NOTCH1: variants seen among roughly 807,000 people sequenced by gnomAD.
NOTCH1 encodes the protein notch receptor 1, also known as neurogenic locus notch homolog protein 1.
Under a neutral mutation model 254.8 loss-of-function variants are expected in NOTCH1, and 37 were observed. The observed-to-expected ratio is 0.15, with a 90% confidence interval of 0.11 to 0.19. NOTCH1 has a LOEUF of 0.19. NOTCH1 is among the 10% of genes least tolerant of loss of function. NOTCH1 has a pLI of 1.00. For missense variants in NOTCH1, 2,972 were observed against 3,708.6 expected, an observed-to-expected ratio of 0.80 and a Z score of 5.16; for synonymous variants, 1,731 against 1,618.1, an observed-to-expected ratio of 1.07 and a Z score of -1.68.
At chr9:136,508,849 C>A in intron 19 of NOTCH1, 21 bp downstream of exon 19, 1 of 1,537,154 alleles carries the variant, frequency 6.5e-7, no homozygotes, top group South Asian at 1.2e-5. Flanking sequence ...CTTCGGGCAC[C>A]TCTGTGGCCG....
In NOTCH1 at chr9:136,515,845, G is replaced by C. The variant is rs1006409307; in HGVS notation, c.1670-129C>G. Reference sequence around the variant, plus strand: ...GAGCGTGGCATTCCCACCTACTCAGGATTGGGGCTGAGCTGTGCTCTCGGC... The same window carrying C: ...GAGCGTGGCATTCCCACCTACTCAGCATTGGGGCTGAGCTGTGCTCTCGGC... On this transcript the variant is annotated intron_variant, in intron 10 of 33. Coordinates refer to ENST00000651671, the MANE Select transcript of NOTCH1 (RefSeq NM_017617.5). 8.2e-6 allele frequency: 9 copies of C among 1,101,836 alleles called. No individual in the cohort carries two copies. In the Admixed American group the frequency reaches 1.3e-4, roughly 16 times the overall value. The allele number at this position is 1,101,836 out of a possible 1,614,324, so 68.3% of individuals were successfully genotyped here.
intron 2 of NOTCH1, among the ~76,000 whole-genome samples, chr9:136,539,564 T>G (rs923996804): frequency 3.3e-5 from 5 of 152,196 alleles, no homozygotes; most frequent in African/African-American, 1.2e-4. Context: ...AATTTTTGTA[T>G]TTTTAGTAGA....
At position 136,506,423 on chromosome 9, in the gene NOTCH1, A is replaced by C. The variant is rs1843085672; in HGVS notation, c.4014+104T>G. ...GACATCAGGGTGAGGAGGAGGATGA[A>C]GGCCGGGAGGATCACTGCCCGGTCT... is the stretch of plus-strand genomic sequence containing the variant. On this transcript the variant is annotated intron_variant, in intron 24 of 33. Transcript: ENST00000651671. The surrounding 1 kb of genome is among the most constrained non-coding windows in gnomAD (Gnocchi z 4.5). 1 of 901,674 alleles carries C rather than the reference A, an allele frequency of 1.1e-6. No homozygotes were observed. The highest frequency in any genetic ancestry group is 2.3e-5 in the Admixed American group (1 of 44,136). 55.9% of individuals were successfully genotyped at this position (901,674 alleles called of 1,614,324 possible).
chr9:136,510,917 G>A (rs1256834400), intron 16 of NOTCH1, 112 bp from the exon 17 acceptor site: 21 of 1,472,552 alleles, frequency 1.4e-5, no homozygotes, highest in East Asian at 1.4e-4. Context: ...GTAGGCTTCC[G>A]TGACCCCAGG....
At chr9:136,512,965 C>T in intron 15 of NOTCH1, 56 bp downstream of exon 15, 1 of 598,054 alleles carries the variant, frequency 1.7e-6, no homozygotes, top group East Asian at 5.2e-5. Flanking sequence ...AGCACAGGTC[C>T]CGCCCCTCCC....
At chr9:136,502,718 T>C in intron 27 of NOTCH1, 1 of 571,326 alleles carries the variant, frequency 1.8e-6, no homozygotes, top group Non-Finnish European at 3.1e-6. Context: ...GGCTTTTACT[T>C]TTTTCTCCTT....
intron 22 of NOTCH1, 86 bp from the exon 23 acceptor site, chr9:136,507,059 C>A: frequency 6.5e-7 from 1 of 1,547,604 alleles, no homozygotes. Context: ...GACGAGCGCT[C>A]AGGTCTGGGG....
rs764176079 is a variant in NOTCH1 at position 136,497,315 on chromosome 9, G to A, written c.6424C>T (p.Pro2142Ser). The change falls in exon 34 of 34, where the codon CCC becomes TCC. Residue 2142 changes from proline to serine, a missense_variant. This residue lies in a region of NOTCH1 where 529 missense variants were observed against 529.2 expected (regional missense o/e 1.00). Coordinates refer to ENST00000651671, the MANE Select transcript of NOTCH1 (RefSeq NM_017617.5). ...TTGAGGCTGCCCAGGTAGCCGTTGGGCGAGCAGAGCGGGGGCGACAGGGTG... is the reference window on the plus strand; with the variant it reads ...TTGAGGCTGCCCAGGTAGCCGTTGGACGAGCAGAGCGGGGGCGACAGGGTG... ...TPTLSPPLCS[P>S]NGYLGSLKPG... 4 of 1,606,934 alleles carry A rather than the reference G, an allele frequency of 2.5e-6. No homozygotes were observed. The highest frequency in any genetic ancestry group is 1.1e-5 in the South Asian group (1 of 91,064).
In NOTCH1 at chr9:136,522,828, C is replaced by A. The variant is rs753373134; in HGVS notation, c.742+22G>T. The stretch of plus-strand genomic sequence containing the variant: ...GGCAGCCGGGGAGGGGCTCGTGCAC[C>A]CCGGCCAGCGGGCAGCACTACCTGG... On this transcript the variant is annotated intron_variant, in intron 4 of 33. Coordinates refer to ENST00000651671, the MANE Select transcript of NOTCH1 (RefSeq NM_017617.5). The A allele has an allele frequency of 8.9e-6, 13 of 1,463,566 alleles. No homozygotes were observed. The Admixed American group carries it at 1.6e-4, about 19-fold the overall frequency. 90.7% of individuals were successfully genotyped at this position (1,463,566 alleles called of 1,614,324 possible).
chr9:136,499,077 C>T (rs2133322319), intron 32 of NOTCH1, 35 bp downstream of exon 32: 1 of 1,612,772 alleles, frequency 6.2e-7, no homozygotes, highest in African/African-American at 1.3e-5. Context: ...GCGGTCCCGC[C>T]CCACGACAGA....
At position 136,503,350 on chromosome 9, in the gene NOTCH1, G is replaced by T; in HGVS notation, c.5019-20C>A. On this transcript the variant is annotated intron_variant, in intron 26 of 33. Coordinates refer to ENST00000651671, the MANE Select transcript of NOTCH1 (RefSeq NM_017617.5). The stretch of plus-strand genomic sequence containing the variant: ...ATGGAGCTGGGCGGACAATCAGAGA[G>T]GGGCTGGGACCCGAGGCTTCCTCCT... 1 of 1,612,386 alleles carries T rather than the reference G, an allele frequency of 6.2e-7. No homozygotes were observed. The highest frequency in any genetic ancestry group is 8.5e-7 in the Non-Finnish European group (1 of 1,179,822).
chr9:136,526,149 G>A (rs938371243), intron 2 of NOTCH1, among the ~76,000 whole-genome samples: 2 of 152,362 alleles, frequency 1.3e-5, no homozygotes, highest in Admixed American at 1.3e-4. Flanking sequence ...TGGGAGGGCA[G>A]ACGTGGTTCC....
At chr9:136,500,470 G>A (rs1410281124) in intron 31 of NOTCH1, 82 bp downstream of exon 31, 2 of 1,549,112 alleles carry the variant, frequency 1.3e-6, no homozygotes, top group Non-Finnish European at 1.8e-6. Context: ...AGGCTCCCAG[G>A]GCCACGTAAG....
chr9:136,500,902 C>G, intron 30 of NOTCH1, 55 bp from the exon 31 acceptor site: 1 of 1,522,984 alleles, frequency 6.6e-7, no homozygotes, highest in Non-Finnish European at 8.8e-7. Context: ...AGCTGCAGCC[C>G]AGGGGGAGGG....
rs1372494501 is a variant in NOTCH1, at chr9:136,495,966, CAT to C, written c.*103_*104del. 54 of 1,181,072 alleles carry C rather than the reference CAT, an allele frequency of 4.6e-5. No individual in the cohort carries two copies. The highest frequency in any genetic ancestry group is 1.4e-4 in the African/African-American group (9 of 64,662). 73.2% of individuals were successfully genotyped at this position (1,181,072 alleles called of 1,614,324 possible). On this transcript the variant is annotated 3_prime_UTR_variant, in exon 34 of 34. Coordinates refer to ENST00000651671, the MANE Select transcript of NOTCH1 (RefSeq NM_017617.5). ...TCCTCGTTCTTATTTTGTATAAAAA[CAT>C]GTGTTTTAAAAAGGCTCCTCTGGTC...
At chr9:136,532,849 G>T (rs1018057473) in intron 2 of NOTCH1, among the ~76,000 whole-genome samples, 9 of 152,224 alleles carry the variant, frequency 5.9e-5, no homozygotes, top group Admixed American at 5.9e-4. Flanking sequence ...CTGGAAGGGG[G>T]AAGGTCTCGT....
chr9:136,538,117 A>G (rs566029650), intron 2 of NOTCH1, among the ~76,000 whole-genome samples: 311 of 152,152 alleles, frequency 2.0e-3, no homozygotes, highest in Non-Finnish European at 2.5e-3. Context: ...TGTAATATGA[A>G]TAAGTCATCA....
intron 2 of NOTCH1, among the ~76,000 whole-genome samples, chr9:136,531,506 G>T (rs1379810396): frequency 1.3e-5 from 2 of 152,220 alleles, no homozygotes; most frequent in African/African-American, 4.8e-5. Flanking sequence ...TCCCAGGACC[G>T]GGAAGTCTGG....
intron 4 of NOTCH1, 132 bp downstream of exon 4, chr9:136,522,718 C>T (rs985617721): frequency 4.1e-5 from 36 of 878,624 alleles, no homozygotes; most frequent in Non-Finnish European, 5.5e-5. Context: ...CTGGGGAACT[C>T]GCCATCCCGC....
Sources: allele counts gnomAD v4.1 joint callset (sites outside exome capture counted in the v4.1 genomes callset), GRCh38; gene constraint gnomAD v4.1.1; regional missense constraint gnomAD v4.1.1; non-coding constraint Gnocchi (gnomAD v3.1); transcripts MANE v1.5; gene names NCBI Gene and HGNC (gene_info 2026-07-23, HGNC 2026-07-21).